Variants in LARP4 observed in about 807,000 individuals in gnomAD.
LARP4 encodes la-related protein 4.
In LARP4, 29 loss-of-function variants were observed where a neutral mutation model predicts 92.9. The observed-to-expected ratio is 0.31, with a 90% CI of 0.23 to 0.43. LARP4 has a LOEUF of 0.43. Ranked by LOEUF, LARP4 falls within the 20% of genes least tolerant of loss-of-function variation. LARP4 has a pLI of 1.00. For synonymous variants in LARP4, 279 were observed against 284.1 expected, an observed-to-expected ratio of 0.98 and a Z score of 0.18; for missense variants, 732 against 860.0, an observed-to-expected ratio of 0.85 and a Z score of 1.86.
intron 8 of LARP4, 50 bp from the exon 9 acceptor site, chr12:50,453,410 T>G: frequency 2.8e-6 from 3 of 1,088,636 alleles, no homozygotes; most frequent in Non-Finnish European, 4.1e-6. Context: ...AAATGTATTT[T>G]TTAAAATATA....
chr12:50,474,975 A>G (rs577110296), intron 15 of LARP4, among the ~76,000 whole-genome samples: 1 of 152,364 alleles, frequency 6.6e-6, no homozygotes, highest in South Asian at 2.1e-4. Flanking sequence ...CTTCTCATTC[A>G]ATGATAGTAA....
rs1234636326 is a variant in LARP4 at position 50,440,561 on chromosome 12, A to T, written c.750+12A>T. Reference sequence around the variant, plus strand: ...CAGATGCACAACAGGTAAGAAGAAAACATTTTCTGATACAAGTCCATCCTA... The same window carrying T: ...CAGATGCACAACAGGTAAGAAGAAATCATTTTCTGATACAAGTCCATCCTA... On this transcript the variant is annotated intron_variant, in intron 7 of 15. Coordinates refer to ENST00000398473, the MANE Select transcript of LARP4 (RefSeq NM_052879.5). The T allele has an allele frequency of 2.6e-6, 4 of 1,560,752 alleles. No homozygotes were observed. Among genetic ancestry groups the T allele is most frequent in the Non-Finnish European group, 3.5e-6 (4 of 1,132,932 alleles).
At chr12:50,458,823 G>A (rs1053224440) in intron 10 of LARP4, among the ~76,000 whole-genome samples, 7 of 152,288 alleles carry the variant, frequency 4.6e-5, no homozygotes, top group African/African-American at 1.7e-4. Flanking sequence ...CATCATCCAA[G>A]ATAAAAACTC....
chr12:50,433,601 T>C (rs574943129), intron 4 of LARP4, among the ~76,000 whole-genome samples: 1 of 152,132 alleles, frequency 6.6e-6, no homozygotes, highest in Non-Finnish European at 1.5e-5. Flanking sequence ...GCAAAAATTA[T>C]GTTTATAGTT....
intron 15 of LARP4, 91 bp from the exon 16 acceptor site, chr12:50,475,435 G>A: frequency 9.4e-7 from 1 of 1,060,326 alleles, no homozygotes; most frequent in South Asian, 1.6e-5. Flanking sequence ...AAGATAATCT[G>A]TGGTTTTCTT....
chr12:50,428,785 G>A (rs988566051), intron 2 of LARP4, 150 bp from the exon 3 acceptor site: 13 of 575,770 alleles, frequency 2.3e-5, no homozygotes, highest in South Asian at 1.3e-4. Flanking sequence ...TATCTCCCTC[G>A]GAATGATAAC....
chr12:50,433,542 T>C (rs903480969), intron 4 of LARP4, among the ~76,000 whole-genome samples: 1 of 152,290 alleles, frequency 6.6e-6, no homozygotes, highest in East Asian at 1.9e-4. Context: ...TGTTTAAGAA[T>C]AGACCTGCTA....
At position 50,475,614 on chromosome 12, in the gene LARP4, G is replaced by A. The variant is rs370588459; in HGVS notation, c.1925G>A (p.Arg642His). Residue 642 changes from arginine to histidine, a missense_variant, in exon 16 of 16, where the codon CGC becomes CAC. By Grantham distance (29) the Arg-to-His change is conservative. Around this residue, in one of 7 missense-constraint regions of LARP4, gnomAD observed 115 missense variants for 129.1 expected, o/e 0.89. Transcript: ENST00000398473. ...SVLVQPLREL[R>H]SNVVSPTKNE... ...CTTGTGCAGCCACTACGGGAACTTC[G>A]CTCCAATGTGGTGTCTCCCACCAAA... 15 of 1,613,932 alleles carry A rather than the reference G, an allele frequency of 9.3e-6. No homozygotes were observed. The highest frequency in any genetic ancestry group is 5.3e-5 in the African/African-American group (4 of 74,870).
chr12:50,437,041 T>G (rs1950549071), intron 5 of LARP4, among the ~76,000 whole-genome samples: 1 of 152,226 alleles, frequency 6.6e-6, no homozygotes, highest in Admixed American at 6.5e-5. Context: ...CCCACCTGTT[T>G]AGGCTGGAAC....
chr12:50,427,141 A>G (rs1948920973), intron 1 of LARP4, among the ~76,000 whole-genome samples: 1 of 152,164 alleles, frequency 6.6e-6, no homozygotes, highest in Non-Finnish European at 1.5e-5. Flanking sequence ...TATAAAGCAC[A>G]TCACTGCTTT....
intron 11 of LARP4, 144 bp from the exon 12 acceptor site, chr12:50,462,438 A>G: frequency 1.7e-6 from 1 of 597,764 alleles, no homozygotes; most frequent in South Asian, 2.1e-5. Flanking sequence ...AGATCGCGCC[A>G]CTGCACTCCA....
At chr12:50,402,339 AGACTT>A (rs768966601) in intron 1 of LARP4, among the ~76,000 whole-genome samples, 19 of 152,310 alleles carry the variant, frequency 1.2e-4, no homozygotes, top group Middle Eastern at 3.4e-3. Context: ...AATCATGAAA[AGACTT>A]AAAATTACTG....
chr12:50,422,276 A>G (rs1947932873), intron 1 of LARP4, among the ~76,000 whole-genome samples: 1 of 152,098 alleles, frequency 6.6e-6, no homozygotes, highest in African/African-American at 2.4e-5. Flanking sequence ...ACATTGTTCT[A>G]AAAAGTAGGG....
intron 11 of LARP4, among the ~76,000 whole-genome samples, chr12:50,462,026 T>A (rs1955470007): frequency 6.6e-6 from 1 of 152,112 alleles, no homozygotes; most frequent in South Asian, 2.1e-4. Context: ...ATAGTATGGT[T>A]CTGGTTTGAA....
intron 1 of LARP4, chr12:50,412,423 G>C (rs1946066105): frequency 1.5e-5 from 15 of 976,492 alleles, no homozygotes; most frequent in African/African-American, 1.8e-5. Context: ...GGGTTAAGTG[G>C]CATGGGATTT....
chr12:50,401,326 A>C, intron 1 of LARP4: 9 of 401,658 alleles, frequency 2.2e-5, no homozygotes, highest in Non-Finnish European at 3.2e-5. Context: ...GGACCTCCTA[A>C]AGGAGGCAGC....
rs567048748 is a variant in LARP4, at chr12:50,467,436, A to T, written c.1545+316A>T. On this transcript the variant is annotated intron_variant, in intron 13 of 15. Coordinates refer to ENST00000398473, the MANE Select transcript of LARP4 (RefSeq NM_052879.5). The stretch of plus-strand genomic sequence containing the variant: ...CTCCCAAGTAGCTGGGAGTACAGGC[A>T]TGCGCAACCATGCCCAGCTAACTTT... Among the ~76,000 whole-genome samples the T allele has an allele frequency of 3.3e-5, 5 of 151,946 alleles. No individual in the cohort carries two copies. The South Asian group carries it at 1.0e-3, about 32-fold the overall frequency.
chr12:50,409,842 A>G (rs1475316538), intron 1 of LARP4, among the ~76,000 whole-genome samples: 1 of 151,446 alleles, frequency 6.6e-6, no homozygotes, highest in Non-Finnish European at 1.5e-5. Context: ...CTTATTGCCC[A>G]GGCTGGAGCG....
chr12:50,401,054 C>T, intron 1 of LARP4, 26 bp downstream of exon 1: 1 of 1,613,826 alleles, frequency 6.2e-7, no homozygotes, highest in South Asian at 1.1e-5. Flanking sequence ...TAGTCTCGTC[C>T]TGCTCTTAGG....
Sources: gnomAD v4.1 joint callset for allele counts (sites outside exome capture counted in the v4.1 genomes callset) on GRCh38, gnomAD v4.1.1 for gene constraint, gnomAD v4.1.1 regional missense constraint, MANE v1.5 for transcripts, NCBI Gene and HGNC (gene_info 2026-07-23, HGNC 2026-07-21) for gene names.